PLCB1: variants seen among roughly 807,000 people sequenced by gnomAD.
The protein encoded by PLCB1 is phospholipase C beta 1.
Under a neutral mutation model 161.8 loss-of-function variants are expected in PLCB1, and 46 were observed. The ratio of observed to expected loss-of-function variants is 0.28; its 90% CI spans 0.22 to 0.36. The LOEUF (loss-of-function observed/expected upper bound fraction) is 0.36, where lower values mean the gene tolerates loss of function less well. Ranked by LOEUF, PLCB1 falls within the 10% of genes least tolerant of loss-of-function variation. PLCB1 has a pLI of 1.00. For missense variants in PLCB1, 1,016 were observed against 1,472.5 expected (o/e 0.69, Z 5.07); for synonymous variants, 517 against 503.7 (o/e 1.03, Z -0.35).
intron 2 of PLCB1, among the ~76,000 whole-genome samples, chr20:8,226,905 T>C (rs183210786): frequency 1.2e-3 from 188 of 152,228 alleles, no homozygotes; most frequent in Non-Finnish European, 1.9e-3. Context: ...GCCAGGCTGG[T>C]CTTGAACTCC....
chr20:8,656,517 G>A (rs1178566296), intron 7 of PLCB1, among the ~76,000 whole-genome samples: 1 of 151,902 alleles, frequency 6.6e-6, no homozygotes, highest in Non-Finnish European at 1.5e-5. Flanking sequence ...CGGTTTCCAT[G>A]GCAGCCCAAC....
intron 2 of PLCB1, among the ~76,000 whole-genome samples, chr20:8,338,629 TA>T (rs1448576819): frequency 6.6e-6 from 1 of 152,304 alleles, no homozygotes; most frequent in East Asian, 1.9e-4. Flanking sequence ...TCTTGTATAT[TA>T]ACGGTTCTTC....
intron 3 of PLCB1, among the ~76,000 whole-genome samples, chr20:8,545,215 T>C (rs1376350189): frequency 6.6e-6 from 1 of 152,196 alleles, no homozygotes; most frequent in Non-Finnish European, 1.5e-5. Flanking sequence ...GATTAAGTCA[T>C]GTCATAGAAT....
intron 2 of PLCB1, among the ~76,000 whole-genome samples, chr20:8,312,390 T>A (rs1254342627): frequency 1.3e-5 from 2 of 152,206 alleles, no homozygotes; most frequent in African/African-American, 4.8e-5. Context: ...GCACTTTATT[T>A]ATCTTCTTCA....
intron 2 of PLCB1, among the ~76,000 whole-genome samples, chr20:8,311,827 G>A (rs1984415519): frequency 6.6e-6 from 1 of 152,160 alleles, no homozygotes; most frequent in African/African-American, 2.4e-5. Context: ...CTAAAGTTAA[G>A]GTTGGTCTGT....
chr20:8,464,718 C>A (rs1221676758), intron 3 of PLCB1, among the ~76,000 whole-genome samples: 3 of 152,132 alleles, frequency 2.0e-5, no homozygotes, highest in African/African-American at 7.2e-5. Flanking sequence ...GAGAAGCTCA[C>A]CACCTAGCTC....
At chr20:8,483,224 G>A (rs751364623) in intron 3 of PLCB1, among the ~76,000 whole-genome samples, 1 of 152,152 alleles carries the variant, frequency 6.6e-6, no homozygotes, top group Non-Finnish European at 1.5e-5. Flanking sequence ...TGAGTCTTCT[G>A]TTTTGTCCTA....
At chr20:8,560,200 A>G (rs1376943420) in intron 3 of PLCB1, among the ~76,000 whole-genome samples, 1 of 151,980 alleles carries the variant, frequency 6.6e-6, no homozygotes, top group African/African-American at 2.4e-5. Context: ...CTTCCAGGAG[A>G]TGCTCATGCT....
chr20:8,567,193 C>T (rs1187903878), intron 3 of PLCB1, among the ~76,000 whole-genome samples: 2 of 152,142 alleles, frequency 1.3e-5, no homozygotes, highest in African/African-American at 2.4e-5. Context: ...GCAGCAGCCT[C>T]TTGATTTGTG....
Position 8,139,344 on chromosome 20 carries a change from C to T in PLCB1, c.99+6594C>T, listed in dbSNP as rs568581897. On this transcript the variant is annotated intron_variant, in intron 1 of 31. Coordinates refer to ENST00000338037, the MANE Select transcript of PLCB1 (RefSeq NM_015192.4). Reference sequence around the variant, plus strand: ...CTCCTGACCTCGGGTAATCTGCCCACCTCGGCCTCCCAAAGTGCTAGGATT... The same window carrying T: ...CTCCTGACCTCGGGTAATCTGCCCATCTCGGCCTCCCAAAGTGCTAGGATT... Among the ~76,000 whole-genome samples, 4 of 152,218 alleles carry T rather than the reference C, an allele frequency of 2.6e-5. No individual in the cohort carries two copies. The East Asian group carries it at 7.7e-4, about 29-fold the overall frequency.
intron 31 of PLCB1, among the ~76,000 whole-genome samples, chr20:8,810,613 T>C (rs769665015): frequency 2.6e-5 from 4 of 152,122 alleles, no homozygotes; most frequent in Non-Finnish European, 4.4e-5. Flanking sequence ...CCTTGGCATA[T>C]CTAAAGAATG....
At chr20:8,855,196 G>T (rs184582921) in intron 31 of PLCB1, among the ~76,000 whole-genome samples, 82 of 148,830 alleles carry the variant, frequency 5.5e-4, no homozygotes, top group African/African-American at 2.0e-3. Context: ...GGTAAGGGGT[G>T]CAGGGGAGAG....
chr20:8,751,102 ATTTT>A, intron 23 of PLCB1: 1 of 186,290 alleles, frequency 5.4e-6, no homozygotes, highest in South Asian at 6.7e-5. Flanking sequence ...AGCCCGGCTA[ATTTT>A]TTTTTTTTTT....
chr20:8,766,323 G>A (rs1982312751), intron 26 of PLCB1, among the ~76,000 whole-genome samples: 1 of 152,216 alleles, frequency 6.6e-6, no homozygotes, highest in South Asian at 2.1e-4. Context: ...GGTAGAGAAT[G>A]ACTGGAGATA....
intron 9 of PLCB1, among the ~76,000 whole-genome samples, chr20:8,682,115 A>G (rs1038470734): frequency 6.6e-6 from 1 of 152,190 alleles, no homozygotes; most frequent in African/African-American, 2.4e-5. Context: ...TAGATGTTCA[A>G]TAAACCTTTG....
chr20:8,153,220 T>G (rs183821915), intron 2 of PLCB1, among the ~76,000 whole-genome samples: 2 of 152,298 alleles, frequency 1.3e-5, no homozygotes, highest in Admixed American at 1.3e-4. Flanking sequence ...ATGAATATCA[T>G]TTTTAGGGAT....
At chr20:8,778,459 A>G (rs958598597) in intron 27 of PLCB1, among the ~76,000 whole-genome samples, 3 of 152,186 alleles carry the variant, frequency 2.0e-5, no homozygotes, top group Admixed American at 6.5e-5. Flanking sequence ...GGGGAAAACC[A>G]GCTGAGCTTG....
chr20:8,318,231 A>G (rs1168778952), intron 2 of PLCB1, among the ~76,000 whole-genome samples: 1 of 152,088 alleles, frequency 6.6e-6, no homozygotes, highest in Non-Finnish European at 1.5e-5. Context: ...AAGTCTTTTG[A>G]CTTTTAAAAG....
At chr20:8,554,838 G>T (rs1288720586) in intron 3 of PLCB1, among the ~76,000 whole-genome samples, 1 of 152,020 alleles carries the variant, frequency 6.6e-6, no homozygotes, top group South Asian at 2.1e-4. Flanking sequence ...GCTGTTCTAC[G>T]TTAACTCAGG....
Sources: allele counts gnomAD v4.1 joint callset (sites outside exome capture counted in the v4.1 genomes callset), GRCh38; gene constraint gnomAD v4.1.1; transcripts MANE v1.5; gene names NCBI Gene and HGNC (gene_info 2026-07-23, HGNC 2026-07-21).